The following MYO1E variants were observed in gnomAD, a reference collection of about 807,000 sequenced individuals.
MYO1E encodes myosin IE.
Under a neutral mutation model 151.1 loss-of-function variants are expected in MYO1E, and 68 were observed. The ratio of observed to expected loss-of-function variants is 0.45; its 90% CI spans 0.37 to 0.55. The LOEUF (loss-of-function observed/expected upper bound fraction) is 0.55, where lower values mean the gene tolerates loss of function less well. Among genes scored for constraint, MYO1E ranks in the 20% least tolerant of loss-of-function variants. The probability of loss-of-function intolerance (pLI) is 0.00; values close to 1 mark genes in which losing one functional copy is unlikely to be tolerated. For synonymous variants in MYO1E, 601 were observed against 501.7 expected (o/e 1.20, Z -2.64); for missense variants, 1,363 against 1,389.3 (o/e 0.98, Z 0.30).
rs116038865 is a variant in MYO1E, at chr15:59,273,120, C to A, written c.4-671G>T. ...GAGGATGTGGACAGGACAGACGAAA[C>A]GAGATCACGGAACATGCCCAGGAGG... is the stretch of plus-strand genomic sequence containing the variant. On this transcript the variant is annotated intron_variant, in intron 1 of 27. Transcript: ENST00000288235. Among the ~76,000 whole-genome samples, 531 of 152,302 alleles carry A rather than the reference C, an allele frequency of 3.5e-3. 6 individuals are homozygous for A. The highest frequency in any genetic ancestry group is 0.012 in the African/African-American group (515 of 41,552).
intron 1 of MYO1E, among the ~76,000 whole-genome samples, chr15:59,276,589 T>C (rs896860958): frequency 6.6e-6 from 1 of 152,178 alleles, no homozygotes; most frequent in Admixed American, 6.5e-5. Flanking sequence ...ATGACGTAGT[T>C]TATTAAAAAG....
In MYO1E at chr15:59,214,648, T is replaced by C; in HGVS notation, c.1180A>G (p.Ile394Val). The C allele has an allele frequency of 1.2e-6, 2 of 1,611,904 alleles. No individual in the cohort carries two copies. The highest frequency in any genetic ancestry group is 1.1e-5 in the South Asian group (1 of 91,036). Residue 394 changes from isoleucine (I) to valine (V), a missense_variant, in exon 11 of 28, where the codon ATA becomes GTA. Ile to Val is a conservative substitution (Grantham distance 29). Coordinates refer to ENST00000288235, the MANE Select transcript of MYO1E (RefSeq NM_004998.4). ...IGVLDIYGFE[I>V]FQKNGFEQFC... ...ATTAAAACTGGCCTTACCTGGAATATTTCAAAGCCATAGATGTCTAGGACG... is the reference window on the plus strand; with the variant it reads ...ATTAAAACTGGCCTTACCTGGAATACTTCAAAGCCATAGATGTCTAGGACG...
intron 16 of MYO1E, among the ~76,000 whole-genome samples, chr15:59,196,668 C>T (rs1198311803): frequency 2.0e-5 from 3 of 152,122 alleles, no homozygotes; most frequent in African/African-American, 7.2e-5. Flanking sequence ...GCAAGATATT[C>T]ATTGGTGAAT....
At chr15:59,161,344 G>A (rs912453167) in intron 23 of MYO1E, 114 bp from the exon 24 acceptor site, 1 of 1,172,920 alleles carries the variant, frequency 8.5e-7, no homozygotes, top group Non-Finnish European at 1.2e-6. Context: ...GGCGAGAACG[G>A]ACAATCTACA....
At chr15:59,339,089 G>C (rs1301961211) in intron 1 of MYO1E, among the ~76,000 whole-genome samples, 11 of 152,216 alleles carry the variant, frequency 7.2e-5, no homozygotes, top group Admixed American at 5.9e-4. Flanking sequence ...CCAAGATTGT[G>C]CCACTGCACT....
chr15:59,361,989 A>G (rs765693171), intron 1 of MYO1E, among the ~76,000 whole-genome samples: 2 of 151,938 alleles, frequency 1.3e-5, no homozygotes, highest in Non-Finnish European at 2.9e-5. Flanking sequence ...GGCGTCTACC[A>G]CCACGCCAGG....
intron 22 of MYO1E, among the ~76,000 whole-genome samples, chr15:59,168,794 CA>C (rs1317343279): frequency 6.6e-6 from 1 of 152,062 alleles, no homozygotes; most frequent in Non-Finnish European, 1.5e-5. Flanking sequence ...CTAATTTTCA[CA>C]TTTTTTGTAG....
At chr15:59,217,001 T>C (rs1295253559) in intron 10 of MYO1E, among the ~76,000 whole-genome samples, 1 of 152,026 alleles carries the variant, frequency 6.6e-6, no homozygotes, top group Non-Finnish European at 1.5e-5. Flanking sequence ...GAGAGGTCCA[T>C]GCAGCAAGGG....
chr15:59,324,798 T>C (rs2080652975), intron 1 of MYO1E, among the ~76,000 whole-genome samples: 1 of 152,116 alleles, frequency 6.6e-6, no homozygotes, highest in Non-Finnish European at 1.5e-5. Flanking sequence ...CTAAAGACAT[T>C]AAAAGACTCC....
intron 4 of MYO1E, among the ~76,000 whole-genome samples, chr15:59,240,349 T>G (rs1368882412): frequency 2.0e-5 from 3 of 152,144 alleles, no homozygotes; most frequent in Non-Finnish European, 4.4e-5. Context: ...AAATATTAAT[T>G]CAAATAGGAA....
intron 2 of MYO1E, among the ~76,000 whole-genome samples, 187 bp from the exon 3 acceptor site, chr15:59,261,696 AG>A (rs751373373): frequency 1.3e-5 from 2 of 152,208 alleles, no homozygotes; most frequent in Non-Finnish European, 2.9e-5. Context: ...ATTCCTCCTA[AG>A]GAAGAGTAAT....
intron 5 of MYO1E, among the ~76,000 whole-genome samples, chr15:59,233,879 A>C (rs1158095768): frequency 3.2e-5 from 2 of 62,668 alleles, no homozygotes; most frequent in African/African-American, 1.2e-4. Context: ...TGTATTTCAA[A>C]GACTTAGTAC....
At chr15:59,168,934 T>G (rs1358781890) in intron 22 of MYO1E, among the ~76,000 whole-genome samples, 2 of 152,228 alleles carry the variant, frequency 1.3e-5, no homozygotes, top group African/African-American at 4.8e-5. Flanking sequence ...TATTTCATGC[T>G]CAAATGTTTC....
intron 1 of MYO1E, among the ~76,000 whole-genome samples, chr15:59,369,627 C>T (rs1216543863): frequency 2.6e-5 from 4 of 152,114 alleles, no homozygotes; most frequent in East Asian, 1.9e-4. Context: ...TTTTTTTTAA[C>T]TTCTTCAAGT....
chr15:59,178,597 C>G, intron 18 of MYO1E, 60 bp from the exon 19 acceptor site: 1 of 1,588,680 alleles, frequency 6.3e-7, no homozygotes, highest in Non-Finnish European at 8.6e-7. Flanking sequence ...GGTTTTCTAC[C>G]CGGGCAAGGC....
chr15:59,189,352 C>G (rs2079718820), intron 17 of MYO1E, among the ~76,000 whole-genome samples: 2 of 152,132 alleles, frequency 1.3e-5, no homozygotes, highest in African/African-American at 4.8e-5. Context: ...AGCCACTGTA[C>G]TCGGCGTGTT....
At position 59,350,931 on chromosome 15, in the gene MYO1E, C is replaced by T. The variant is rs1163278790; in HGVS notation, c.3+21567G>A. Among the ~76,000 whole-genome samples, 1 of 152,220 alleles carries T rather than the reference C, an allele frequency of 6.6e-6. No individual in the cohort carries two copies. Among genetic ancestry groups the T allele is most frequent in the African/African-American group, 2.4e-5 (1 of 41,454 alleles). On this transcript the variant is annotated intron_variant, in intron 1 of 27. Transcript: ENST00000288235. This position sits in a 1 kb window ranked among gnomAD's most constrained non-coding sequence, Gnocchi z 5.0. ...GTCTTTTTTGAGACGGAGTCTCGCT[C>T]TGTCACCCAGGCTGGCGTGCAGTGG...
chr15:59,210,362 T>G, intron 13 of MYO1E, 152 bp downstream of exon 13: 1 of 670,814 alleles, frequency 1.5e-6, no homozygotes, highest in South Asian at 1.7e-5. Context: ...TACTGTTCTC[T>G]TTTCACACAT....
chr15:59,327,325 CT>C (rs67680356), intron 1 of MYO1E, among the ~76,000 whole-genome samples: 116,266 of 146,680 alleles, frequency 0.79, 46,347 homozygotes, highest in Non-Finnish European at 0.85. Flanking sequence ...GTACATTTTT[CT>C]TTTTTTTTTT....
Sources: allele counts gnomAD v4.1 joint callset (sites outside exome capture counted in the v4.1 genomes callset), GRCh38; gene constraint gnomAD v4.1.1; non-coding constraint Gnocchi (gnomAD v3.1); transcripts MANE v1.5; gene names NCBI Gene and HGNC (gene_info 2026-07-23, HGNC 2026-07-21).